Variants in L3MBTL4 observed in about 807,000 individuals in gnomAD.
L3MBTL4 encodes the protein lethal(3)malignant brain tumor-like protein 4.
L3MBTL4 carries 70 observed loss-of-function variants against 84.5 expected under a neutral mutation model. That is an observed-to-expected ratio of 0.83 (90% CI 0.68 to 1.01). The LOEUF (loss-of-function observed/expected upper bound fraction) is 1.01. L3MBTL4 is among the 50% of genes least tolerant of loss of function. L3MBTL4 has a pLI of 0.00. For synonymous variants in L3MBTL4, 274 were observed against 259.8 expected, an observed-to-expected ratio of 1.05 and a Z score of -0.52; for missense variants, 715 against 754.8, an observed-to-expected ratio of 0.95 and a Z score of 0.62.
chr18:6,291,955 C>T (rs2049885189), intron 4 of L3MBTL4, among the ~76,000 whole-genome samples: 1 of 151,904 alleles, frequency 6.6e-6, no homozygotes, highest in African/African-American at 2.4e-5. Flanking sequence ...ATCCATCTGA[C>T]AAATATGTAA....
intron 14 of L3MBTL4, among the ~76,000 whole-genome samples, chr18:6,132,392 C>G (rs1361311961): frequency 6.6e-6 from 1 of 152,076 alleles, no homozygotes; most frequent in Non-Finnish European, 1.5e-5. Context: ...GGAGACCTTG[C>G]TCTTACTTGA....
At chr18:5,991,611 T>TA (rs796429145) in intron 16 of L3MBTL4, among the ~76,000 whole-genome samples, 115 of 152,158 alleles carry the variant, frequency 7.6e-4, no homozygotes, top group African/African-American at 2.7e-3. Flanking sequence ...ATCTTAGAGG[T>TA]AAAATAACAA....
chr18:6,084,068 T>C (rs930775586), intron 15 of L3MBTL4, among the ~76,000 whole-genome samples: 7 of 152,216 alleles, frequency 4.6e-5, no homozygotes, highest in African/African-American at 1.7e-4. Flanking sequence ...ATTAATCTTC[T>C]ATTTATGTGT....
At chr18:6,383,183 G>T (rs567634577) in intron 1 of L3MBTL4, among the ~76,000 whole-genome samples, 1 of 152,038 alleles carries the variant, frequency 6.6e-6, no homozygotes, top group Non-Finnish European at 1.5e-5. Flanking sequence ...AGTGTCTCAG[G>T]TCGACCTCAG....
chr18:6,019,576 T>A (rs1456155665), intron 16 of L3MBTL4, among the ~76,000 whole-genome samples: 1 of 152,250 alleles, frequency 6.6e-6, no homozygotes, highest in African/African-American at 2.4e-5. Context: ...CTACTGAGCA[T>A]CTACTAGGTG....
At chr18:6,016,725 A>C (rs965351544) in intron 16 of L3MBTL4, among the ~76,000 whole-genome samples, 2 of 152,248 alleles carry the variant, frequency 1.3e-5, no homozygotes, top group Admixed American at 1.3e-4. Flanking sequence ...TAAGTCTACA[A>C]AACCTATGAT....
chr18:6,164,928 C>A (rs2043565290), intron 13 of L3MBTL4, among the ~76,000 whole-genome samples: 3 of 152,082 alleles, frequency 2.0e-5, no homozygotes, highest in Non-Finnish European at 4.4e-5. Flanking sequence ...AGTTAAAAAC[C>A]TTGAAAAAAG....
intron 6 of L3MBTL4, 102 bp from the exon 7 acceptor site, chr18:6,243,531 A>AT (rs1308660503): frequency 1.1e-6 from 1 of 905,114 alleles, no homozygotes. Flanking sequence ...CTATCAACAT[A>AT]TAAGAGCCAA....
intron 16 of L3MBTL4, among the ~76,000 whole-genome samples, chr18:6,067,696 T>A (rs751126901): frequency 1.3e-4 from 19 of 150,932 alleles, no homozygotes; most frequent in Middle Eastern, 3.2e-3. Flanking sequence ...ATCCTAAATT[T>A]AAAAAAAAAA....
intron 1 of L3MBTL4, among the ~76,000 whole-genome samples, chr18:6,335,332 C>A (rs2052276786): frequency 6.6e-6 from 1 of 152,120 alleles, no homozygotes; most frequent in Non-Finnish European, 1.5e-5. Flanking sequence ...CTCAGGTGAT[C>A]CACCCGCCTC....
intron 1 of L3MBTL4, among the ~76,000 whole-genome samples, chr18:6,404,589 A>G (rs1452627327): frequency 6.6e-6 from 1 of 152,246 alleles, no homozygotes; most frequent in African/African-American, 2.4e-5. Context: ...GGGGACCTTC[A>G]TTACGGAAAC....
At chr18:6,298,050 C>A (rs999753740) in intron 4 of L3MBTL4, among the ~76,000 whole-genome samples, 2 of 152,150 alleles carry the variant, frequency 1.3e-5, no homozygotes, top group Middle Eastern at 6.4e-3. Context: ...GGAGAAATGT[C>A]AAAAAGTGGA....
At chr18:6,293,441 G>A (rs1687306033) in intron 4 of L3MBTL4, among the ~76,000 whole-genome samples, 1 of 151,632 alleles carries the variant, frequency 6.6e-6, no homozygotes, top group Non-Finnish European at 1.5e-5. Flanking sequence ...TGGCCAAACT[G>A]GGGACAACCT....
rs573685441 is a variant in L3MBTL4, at chr18:6,229,228, C to A, written c.784+8736G>T. On this transcript the variant is annotated intron_variant, in intron 10 of 18. Transcript: ENST00000317931. Reference sequence around the variant, plus strand: ...AACATCAAAAGTAACAGGCTTGCCCCTGTTGGGAAGAAGAATGCTGTTTTT... The same window carrying A: ...AACATCAAAAGTAACAGGCTTGCCCATGTTGGGAAGAAGAATGCTGTTTTT... Among the ~76,000 whole-genome samples, 886 of 152,296 alleles carry A rather than the reference C, an allele frequency of 5.8e-3. 6 individuals are homozygous for A. Among genetic ancestry groups the A allele is most frequent in the Non-Finnish European group, 0.011 (720 of 68,032 alleles).
intron 1 of L3MBTL4, among the ~76,000 whole-genome samples, chr18:6,345,237 G>GA (rs60415566): frequency 0.26 from 29,357 of 111,240 alleles, 3,461 homozygotes; most frequent in African/African-American, 0.44. Context: ...AAAAAAAAAA[G>GA]AAAAAAAAAA....
At chr18:6,274,409 C>T (rs1293473683) in intron 4 of L3MBTL4, among the ~76,000 whole-genome samples, 2 of 152,194 alleles carry the variant, frequency 1.3e-5, no homozygotes, top group African/African-American at 2.4e-5. Context: ...CTCAGAATTC[C>T]GACTACAGTC....
At chr18:6,015,415 C>T (rs528137436) in intron 16 of L3MBTL4, among the ~76,000 whole-genome samples, 12 of 152,058 alleles carry the variant, frequency 7.9e-5, no homozygotes, top group Non-Finnish European at 1.3e-4. Flanking sequence ...AGAGATAAGA[C>T]CTAAACCCAG....
At chr18:6,056,568 G>A (rs889085644) in intron 16 of L3MBTL4, among the ~76,000 whole-genome samples, 3 of 152,124 alleles carry the variant, frequency 2.0e-5, no homozygotes, top group African/African-American at 4.8e-5. Flanking sequence ...TGCTTTGAGA[G>A]GTAGAGAAAG....
chr18:6,042,404 C>G (rs529458064), intron 16 of L3MBTL4, among the ~76,000 whole-genome samples: 1 of 151,864 alleles, frequency 6.6e-6, no homozygotes, highest in South Asian at 2.1e-4. Flanking sequence ...GCACGTAAAT[C>G]CACACCTGCC....
Sources: allele counts gnomAD v4.1 joint callset (sites outside exome capture counted in the v4.1 genomes callset), GRCh38; gene constraint gnomAD v4.1.1; transcripts MANE v1.5; gene names NCBI Gene and HGNC (gene_info 2026-07-23, HGNC 2026-07-21).